Variants in RYR3 observed in about 807,000 individuals in gnomAD.
RYR3 encodes the protein brain ryanodine receptor-calcium release channel.
A neutral mutation model predicts 584.3 loss-of-function variants in RYR3; 207 were observed. The ratio of observed to expected loss-of-function variants is 0.35; its 90% CI spans 0.32 to 0.40. RYR3 has a LOEUF of 0.40. Ranked by LOEUF, RYR3 falls within the 10% of genes least tolerant of loss-of-function variation. The pLI is 1.00. For synonymous variants in RYR3, 2,416 were observed against 2,248.5 expected (o/e 1.07, Z -2.11); for missense variants, 5,616 against 6,089.2 (o/e 0.92, Z 2.59).
At position 33,785,835 on chromosome 15, in the gene RYR3, C is replaced by T. The variant is rs1005334198; in HGVS notation, c.9442C>T (p.Arg3148Trp). ...LCNYLSYWWE[R>W]GPENLPPSTG... is the part of the protein sequence containing the mutation. ...CAACTACTTGTCCTACTGGTGGGAGCGGGGTCCTGAGAACCTGCCCCCCAG... is the reference window on the plus strand; with the variant it reads ...CAACTACTTGTCCTACTGGTGGGAGTGGGGTCCTGAGAACCTGCCCCCCAG... Residue 3148 changes from arginine to tryptophan, a missense_variant, in exon 66 of 104, where the codon CGG (arginine) becomes TGG (tryptophan). This residue lies in a region of RYR3 where 954 missense variants were observed against 1,132.2 expected (regional missense o/e 0.84). Coordinates refer to ENST00000634891, the MANE Select transcript of RYR3 (RefSeq NM_001036.6). 9 of 1,613,776 alleles carry T rather than the reference C, an allele frequency of 5.6e-6. No individual in the cohort carries two copies. Among genetic ancestry groups the T allele is most frequent in the Non-Finnish European group, 4.2e-6 (5 of 1,179,868 alleles).
At chr15:33,611,425 G>A (rs1437061772) in intron 18 of RYR3, among the ~76,000 whole-genome samples, 4 of 151,628 alleles carry the variant, frequency 2.6e-5, no homozygotes, top group South Asian at 4.2e-4. Context: ...GCGTGGTGGC[G>A]GGCACCTGTA....
chr15:33,606,897 G>A (rs896714846), intron 18 of RYR3, among the ~76,000 whole-genome samples: 3 of 152,160 alleles, frequency 2.0e-5, no homozygotes, highest in African/African-American at 4.8e-5. Context: ...GTACGGAAGC[G>A]AATGAATGGA....
intron 81 of RYR3, among the ~76,000 whole-genome samples, chr15:33,823,477 A>G (rs1269279141): frequency 6.6e-6 from 1 of 152,078 alleles, no homozygotes; most frequent in Non-Finnish European, 1.5e-5. Flanking sequence ...GTTTTATTAA[A>G]CCCACTAGGT....
chr15:33,771,683 G>T (rs750225978), intron 62 of RYR3, among the ~76,000 whole-genome samples: 24 of 152,140 alleles, frequency 1.6e-4, no homozygotes, highest in Non-Finnish European at 3.2e-4. Context: ...ATTGTTCTCT[G>T]CATTTCCTGA....
At chr15:33,620,288 C>A (rs1481809134) in intron 19 of RYR3, among the ~76,000 whole-genome samples, 1 of 152,128 alleles carries the variant, frequency 6.6e-6, no homozygotes, top group Non-Finnish European at 1.5e-5. Flanking sequence ...CAAGCTTCCA[C>A]GTGGTTTCTT....
intron 68 of RYR3, 21 bp downstream of exon 68, chr15:33,800,878 T>G: frequency 6.3e-5 from 93 of 1,479,868 alleles, no homozygotes; most frequent in Non-Finnish European, 7.8e-5. Context: ...ATTTGGGCCC[T>G]GGGTTTAGAA....
intron 1 of RYR3, among the ~76,000 whole-genome samples, chr15:33,423,076 A>G (rs539680225): frequency 6.6e-6 from 1 of 152,292 alleles, no homozygotes; most frequent in South Asian, 2.1e-4. Context: ...TACTTACACA[A>G]TGTTTTACAA....
Position 33,748,165 on chromosome 15 carries a change from G to A in RYR3, c.8041G>A (p.Ala2681Thr). 6.2e-7 allele frequency: 1 copy of A among 1,613,858 alleles called. No individual in the cohort carries two copies. Among genetic ancestry groups the A allele is most frequent in the Non-Finnish European group, 8.5e-7 (1 of 1,179,800 alleles). Residue 2681 changes from alanine (A) to threonine (T), a missense_variant, in exon 54 of 104, where the codon GCT (alanine) becomes ACT (threonine). This residue lies in a region of RYR3 where 1,280 missense variants were observed against 1,426.2 expected (regional missense o/e 0.90). Coordinates refer to ENST00000634891, the MANE Select transcript of RYR3 (RefSeq NM_001036.6). ...GCGAGAGTCCCTGAAAACCATGCTG[G>A]CTGTGGGCTGGACTGTGGAGAGGAC... is the stretch of plus-strand genomic sequence containing the variant. ...PARESLKTML[A>T]VGWTVERTKE...
At position 33,644,381 on chromosome 15, in the gene RYR3, C is replaced by T. The variant is rs372693148; in HGVS notation, c.3627C>T (p.Thr1209=). The T allele has an allele frequency of 1.2e-6, 2 of 1,613,358 alleles. No individual in the cohort carries two copies. Among genetic ancestry groups the T allele is most frequent in the East Asian group, 2.2e-5 (1 of 44,874 alleles). The part of the protein sequence containing the change: ...GRMNLGTDAS[T]FKFYTMCGLQ... ...TGAATCTCGGGACAGATGCCAGTACCTTCAAGTTTTATACCATGTGCGGTC... is the reference window on the plus strand; with the variant it reads ...TGAATCTCGGGACAGATGCCAGTACTTTCAAGTTTTATACCATGTGCGGTC... Residue 1209 remains threonine, a synonymous_variant, in exon 28 of 104, where the codon ACC becomes ACT. Coordinates refer to ENST00000634891, the MANE Select transcript of RYR3 (RefSeq NM_001036.6).
chr15:33,435,226 T>TAG (rs775324651), intron 1 of RYR3, among the ~76,000 whole-genome samples: 1 of 152,156 alleles, frequency 6.6e-6, no homozygotes. Flanking sequence ...GTATTAAGCC[T>TAG]AGAACCACCC....
chr15:33,823,202 G>A, intron 81 of RYR3, 130 bp downstream of exon 81: 4 of 668,440 alleles, frequency 6.0e-6, no homozygotes, highest in Non-Finnish European at 1.0e-5. Context: ...TACTTAGAAA[G>A]CTAAGAGAGT....
chr15:33,826,235 T>G lies in RYR3; in HGVS notation c.11147-17T>G. ...GTTTTCTTACTTTCTATTCTTCTGT[T>G]TTTCTCTCATTACCAGTCATTGTTC... On this transcript the variant is annotated splice_polypyrimidine_tract_variant and intron_variant, in intron 82 of 103. Coordinates refer to ENST00000634891, the MANE Select transcript of RYR3 (RefSeq NM_001036.6). The G allele has an allele frequency of 6.2e-7, 1 of 1,613,354 alleles. No homozygotes were observed. Among genetic ancestry groups the G allele is most frequent in the East Asian group, 2.2e-5 (1 of 44,882 alleles).
In RYR3 at chr15:33,663,583, G is replaced by A. The variant is rs751944735; in HGVS notation, c.5465G>A (p.Arg1822Gln). 1.4e-5 allele frequency: 23 copies of A among 1,613,728 alleles called. No homozygotes were observed. Among genetic ancestry groups the A allele is most frequent in the South Asian group, 5.5e-5 (5 of 91,032 alleles). The change falls in exon 36 of 104, where the codon CGA becomes CAA. Residue 1822 changes from arginine to glutamine, a missense_variant. By Grantham distance (43) the Arg-to-Gln change is conservative. Transcript: ENST00000634891. Reference protein sequence around the residue: ...SYLCDCELQHRVEAIVAFGDI... With the variant: ...SYLCDCELQHQVEAIVAFGDI... ...CTCTGCGACTGTGAGCTGCAGCACC[G>A]AGTGGAGGCCATTGTGGCATTTGGT...
rs71117152 is a variant in RYR3 at position 33,575,830 on chromosome 15, G to GT, written c.1269-4142dup. Among the ~76,000 whole-genome samples, 129 of 138,546 alleles carry GT rather than the reference G, an allele frequency of 9.3e-4. 1 individual carries two copies. The highest frequency in any genetic ancestry group is 7.0e-3 in the Middle Eastern group (2 of 284). The allele number at this position is 138,546 out of a possible 152,430, so 90.9% of individuals were successfully genotyped here. Reference sequence around the variant, plus strand: ...AGAGCATCAACAAATACAGGAGCTGGTTTTAAAAAAAAAAAATTAATAAAA... The same window carrying GT: ...AGAGCATCAACAAATACAGGAGCTGGTTTTTAAAAAAAAAAAATTAATAAAA... On this transcript the variant is annotated intron_variant, in intron 12 of 103. Coordinates refer to ENST00000634891, the MANE Select transcript of RYR3 (RefSeq NM_001036.6).
At chr15:33,465,525 C>T (rs1365273821) in intron 1 of RYR3, among the ~76,000 whole-genome samples, 1 of 152,080 alleles carries the variant, frequency 6.6e-6, no homozygotes, top group Admixed American at 6.6e-5. Flanking sequence ...TTTTGCTTTG[C>T]GTTTCAAGAT....
chr15:33,384,457 A>G (rs1433250410), intron 1 of RYR3, among the ~76,000 whole-genome samples: 1 of 139,040 alleles, frequency 7.2e-6, no homozygotes, highest in African/African-American at 2.6e-5. Flanking sequence ...ATATAATTAT[A>G]ATATTATATT....
At chr15:33,335,649 A>G (rs1448648055) in intron 1 of RYR3, among the ~76,000 whole-genome samples, 1 of 152,034 alleles carries the variant, frequency 6.6e-6, no homozygotes, top group Non-Finnish European at 1.5e-5. Context: ...CACATGTTAC[A>G]TATGTACCAA....
chr15:33,839,820 C>T (rs1053841995), intron 89 of RYR3: 5 of 152,074 alleles, frequency 3.3e-5, no homozygotes, highest in Non-Finnish European at 5.9e-5. Flanking sequence ...AACGCTGGTT[C>T]GAAGATTCAG....
chr15:33,728,156 A>C (rs2068624125), intron 46 of RYR3, among the ~76,000 whole-genome samples: 1 of 152,218 alleles, frequency 6.6e-6, no homozygotes, highest in Admixed American at 6.5e-5. Context: ...CAAAGCAATA[A>C]ATCGAGCCCT....
Sources: allele counts gnomAD v4.1 joint callset (sites outside exome capture counted in the v4.1 genomes callset), GRCh38; gene constraint gnomAD v4.1.1; regional missense constraint gnomAD v4.1.1; transcripts MANE v1.5; gene names NCBI Gene and HGNC (gene_info 2026-07-23, HGNC 2026-07-21).